CPA6: variants seen among roughly 807,000 people sequenced by gnomAD.
CPA6 encodes carboxypeptidase A6.
In CPA6, 58 loss-of-function variants were observed where a neutral mutation model predicts 63.3. That is an observed-to-expected ratio of 0.92 (90% CI 0.74 to 1.14). CPA6 has a LOEUF of 1.14. Among genes scored for constraint, CPA6 ranks in the 50% most tolerant of loss-of-function variants. The probability of loss-of-function intolerance (pLI) is 0.00; values close to 1 mark genes in which losing one functional copy is unlikely to be tolerated. For missense variants in CPA6, 565 were observed against 526.6 expected (o/e 1.07, Z -0.71); for synonymous variants, 185 against 179.0 (o/e 1.03, Z -0.27).
At chr8:67,731,111 C>T (rs749234244) in intron 1 of CPA6, among the ~76,000 whole-genome samples, 3 of 152,182 alleles carry the variant, frequency 2.0e-5, no homozygotes, top group Non-Finnish European at 4.4e-5. Flanking sequence ...TTCTACTTTA[C>T]CATTTCATCT....
At chr8:67,598,192 T>C (rs1814398346) in intron 2 of CPA6, among the ~76,000 whole-genome samples, 1 of 152,224 alleles carries the variant, frequency 6.6e-6, no homozygotes, top group African/African-American at 2.4e-5. Flanking sequence ...AGCTGTCATT[T>C]TTAGGTCAGC....
At chr8:67,669,097 G>C (rs754108364) in intron 1 of CPA6, among the ~76,000 whole-genome samples, 1 of 152,204 alleles carries the variant, frequency 6.6e-6, no homozygotes, top group Non-Finnish European at 1.5e-5. Context: ...TAGAAATCCA[G>C]TACCATTATC....
intron 2 of CPA6, among the ~76,000 whole-genome samples, chr8:67,551,575 G>A (rs1326411987): frequency 6.6e-6 from 1 of 152,170 alleles, no homozygotes; most frequent in Non-Finnish European, 1.5e-5. Context: ...TTGGCTGTTT[G>A]ATAGGAATCA....
intron 1 of CPA6, among the ~76,000 whole-genome samples, chr8:67,743,183 C>A (rs2553667): frequency 2.0e-5 from 3 of 151,994 alleles, no homozygotes; most frequent in Non-Finnish European, 2.9e-5. Context: ...CGTTATTTTC[C>A]ACTTTGCTTC....
Position 67,733,213 on chromosome 8 carries a change from A to T in CPA6, c.116+12801T>A, listed in dbSNP as rs912128873. 1.5e-3 allele frequency among the ~76,000 whole-genome samples: 198 copies of T among 130,866 alleles called. 2 individuals carry two copies. The highest frequency in any genetic ancestry group is 2.8e-3 in the East Asian group (13 of 4,666). The allele number at this position is 130,866 out of a possible 152,430, so 85.9% of individuals were successfully genotyped here. ...CTCCATCTCAAAAAAAAAAAAAAAA[A>T]AAAAAAAAAAATAAAAAAATTTAGC... On this transcript the variant is annotated intron_variant, in intron 1 of 10. Transcript: ENST00000297770.
At chr8:67,435,147 TC>T (rs919690707) in intron 8 of CPA6, among the ~76,000 whole-genome samples, 2 of 151,658 alleles carry the variant, frequency 1.3e-5, no homozygotes, top group African/African-American at 4.8e-5. Flanking sequence ...GTTTTGGAGG[TC>T]CCCCCAGAGA....
rs370827802 is a variant in CPA6, at chr8:67,626,144, G to A, written c.117-1893C>T. On this transcript the variant is annotated intron_variant, in intron 1 of 10. Transcript: ENST00000297770. ...TGCATTCTGTTAAGCCTGTGGAACT[G>A]TGAGTTGATTAAATCTATTTTCTTC... Among the ~76,000 whole-genome samples, 37 of 152,316 alleles carry A rather than the reference G, an allele frequency of 2.4e-4. No homozygotes were observed. In the South Asian group the frequency reaches 7.5e-3, roughly 31 times the overall value.
rs10696053 is a variant in CPA6, at chr8:67,733,846, CTTTTTTT to C, written c.116+12161_116+12167del. Among the ~76,000 whole-genome samples, 41 of 94,934 alleles carry C rather than the reference CTTTTTTT, an allele frequency of 4.3e-4. 1 individual carries two copies. In the Admixed American group the frequency reaches 6.0e-3, roughly 14 times the overall value. The allele number at this position is 94,934 out of a possible 152,430, so 62.3% of individuals were successfully genotyped here. On this transcript the variant is annotated intron_variant, in intron 1 of 10. Transcript: ENST00000297770. Reference sequence around the variant, plus strand: ...TAACTCGGGTCAAATGCTGCATCGTCTTTTTTTTTTTTTTTTTTTTTTGAGACAGGCT... The same window carrying C: ...TAACTCGGGTCAAATGCTGCATCGTCTTTTTTTTTTTTTTTGAGACAGGCT...
chr8:67,585,663 G>A (rs1019314569), intron 2 of CPA6, among the ~76,000 whole-genome samples: 1 of 152,096 alleles, frequency 6.6e-6, no homozygotes, highest in African/African-American at 2.4e-5. Context: ...AGATATATAA[G>A]TATTAATGTG....
At chr8:67,707,396 TTTAACAA>T (rs1468857164) in intron 1 of CPA6, among the ~76,000 whole-genome samples, 1 of 152,240 alleles carries the variant, frequency 6.6e-6, no homozygotes, top group Non-Finnish European at 1.5e-5. Flanking sequence ...ATTTACAGCT[TTTAACAA>T]TTAAGTATAC....
intron 8 of CPA6, among the ~76,000 whole-genome samples, chr8:67,436,732 T>G (rs527942900): frequency 1.3e-5 from 2 of 152,134 alleles, no homozygotes; most frequent in South Asian, 4.1e-4. Flanking sequence ...GGAAGGAAAA[T>G]AAGAATCACT....
intron 1 of CPA6, among the ~76,000 whole-genome samples, chr8:67,637,307 G>T (rs1286534098): frequency 6.6e-6 from 1 of 151,566 alleles, no homozygotes; most frequent in Non-Finnish European, 1.5e-5. Context: ...TGCCTGAAAT[G>T]GGCTTCCATT....
chr8:67,434,472 G>A (rs1810100603), intron 8 of CPA6, among the ~76,000 whole-genome samples: 1 of 152,204 alleles, frequency 6.6e-6, no homozygotes, highest in Non-Finnish European at 1.5e-5. Flanking sequence ...TTTTTCAACT[G>A]AACATGCACA....
intron 2 of CPA6, among the ~76,000 whole-genome samples, chr8:67,584,909 C>T (rs915056742): frequency 1.3e-5 from 2 of 152,148 alleles, no homozygotes; most frequent in Non-Finnish European, 2.9e-5. Context: ...GTTTGGAGGG[C>T]TGCTGTTTTA....
At chr8:67,534,814 C>A (rs755833255) in intron 2 of CPA6, among the ~76,000 whole-genome samples, 1 of 152,070 alleles carries the variant, frequency 6.6e-6, no homozygotes, top group African/African-American at 2.4e-5. Flanking sequence ...GTTTCCTGCA[C>A]CCATCAACCC....
intron 9 of CPA6, among the ~76,000 whole-genome samples, chr8:67,428,970 A>G (rs1357815053): frequency 1.3e-5 from 2 of 152,224 alleles, no homozygotes; most frequent in Non-Finnish European, 2.9e-5. Context: ...TTGATTCTTA[A>G]GTATATATTT....
At chr8:67,526,817 C>T (rs117001532) in intron 2 of CPA6, among the ~76,000 whole-genome samples, 14 of 152,196 alleles carry the variant, frequency 9.2e-5, no homozygotes, top group East Asian at 1.9e-4. Flanking sequence ...ATAAAAGAGC[C>T]AATACCACCT....
chr8:67,668,013 T>A (rs1816267602), intron 1 of CPA6, among the ~76,000 whole-genome samples: 1 of 152,250 alleles, frequency 6.6e-6, no homozygotes, highest in South Asian at 2.1e-4. Flanking sequence ...TGACTTGGGC[T>A]GGTGCTGGTC....
intron 1 of CPA6, among the ~76,000 whole-genome samples, chr8:67,651,600 T>C (rs1815839266): frequency 6.6e-6 from 1 of 152,158 alleles, no homozygotes; most frequent in African/African-American, 2.4e-5. Context: ...ACACACTCAT[T>C]GTATTCTCTT....
Sources: gnomAD v4.1 joint callset for allele counts (sites outside exome capture counted in the v4.1 genomes callset) on GRCh38, gnomAD v4.1.1 for gene constraint, MANE v1.5 for transcripts, NCBI Gene and HGNC (gene_info 2026-07-23, HGNC 2026-07-21) for gene names.